Variants in KLHL42 observed in about 807,000 individuals in gnomAD.
KLHL42 encodes the protein kelch-like protein 42.
Under a neutral mutation model 32.7 loss-of-function variants are expected in KLHL42, and 27 were observed. The ratio of observed to expected loss-of-function variants is 0.83; its 90% CI spans 0.61 to 1.14. The LOEUF (loss-of-function observed/expected upper bound fraction) is 1.14. Among genes scored for constraint, KLHL42 ranks in the 50% most tolerant of loss-of-function variants. The pLI, the probability that KLHL42 is intolerant of heterozygous loss-of-function variation, is 0.00. For synonymous variants in KLHL42, 267 were observed against 248.2 expected (o/e 1.08, Z -0.71); for missense variants, 491 against 560.8 (o/e 0.88, Z 1.26).
chr12:27,785,807 T>TA (rs1022335833), intron 1 of KLHL42, among the ~76,000 whole-genome samples: 23 of 152,158 alleles, frequency 1.5e-4, no homozygotes, highest in East Asian at 9.6e-4. Context: ...GTGTTTTCTT[T>TA]AAAAAAAACT....
intron 2 of KLHL42, chr12:27,792,106 C>T: frequency 2.5e-6 from 1 of 398,236 alleles, no homozygotes; most frequent in Non-Finnish European, 4.5e-6. Flanking sequence ...TTTGTGTGAG[C>T]ATGAAAATCG....
intron 1 of KLHL42, among the ~76,000 whole-genome samples, chr12:27,783,095 T>A (rs900504741): frequency 1.3e-5 from 2 of 152,224 alleles, no homozygotes; most frequent in Non-Finnish European, 2.9e-5. Context: ...GTTTACCAGA[T>A]GCCTTACCAA....
At position 27,780,299 on chromosome 12, in the gene KLHL42, C is replaced by G. The variant is rs1459530104; in HGVS notation, c.-32C>G. On this transcript the variant is annotated 5_prime_UTR_variant, in exon 1 of 3. Coordinates refer to ENST00000381271, the MANE Select transcript of KLHL42 (RefSeq NM_020782.2). The surrounding 1 kb of genome is among the most constrained non-coding windows in gnomAD (Gnocchi z 8.8). ...CTGGGAGGCCGGCGCGCAGATCTGG[C>G]GGTGAGCGCTGCCGCCCCGGGGCCC... 1.3e-6 allele frequency: 2 copies of G among 1,525,512 alleles called. No individual in the cohort carries two copies. The highest frequency in any genetic ancestry group is 1.8e-6 in the Non-Finnish European group (2 of 1,140,288). 94.5% of individuals were successfully genotyped at this position (1,525,512 alleles called of 1,614,324 possible).
intron 1 of KLHL42, among the ~76,000 whole-genome samples, chr12:27,790,430 A>ATGC (rs1182761821): frequency 6.6e-6 from 1 of 152,162 alleles, no homozygotes; most frequent in East Asian, 1.9e-4. Context: ...CTGTTGCATC[A>ATGC]TGCTGCTGCT....
At chr12:27,790,878 C>G (rs1043679709) in intron 1 of KLHL42, among the ~76,000 whole-genome samples, 2 of 152,008 alleles carry the variant, frequency 1.3e-5, no homozygotes, top group African/African-American at 4.8e-5. Flanking sequence ...GATGCCATCT[C>G]CACAAAAAAC....
At position 27,797,899 on chromosome 12, in the gene KLHL42, C is replaced by G. The variant is rs952577865; in HGVS notation, c.1251C>G (p.Thr417=). ...GCAGCCAGAGCGAGGACATGCTCAC[C>G]GTGCAGTCCTACAACACCGTCACCC... is the stretch of plus-strand genomic sequence containing the variant. The part of the protein sequence containing the change: ...RRSSQSEDML[T]VQSYNTVTRQ... The change falls in exon 3 of 3, where the codon ACC becomes ACG. Residue 417 remains threonine, a synonymous_variant. Coordinates refer to ENST00000381271, the MANE Select transcript of KLHL42 (RefSeq NM_020782.2). The G allele has an allele frequency of 6.4e-6, 5 of 780,834 alleles. No homozygotes were observed. The African/African-American group carries it at 8.5e-5, about 13-fold the overall frequency. 48.4% of individuals were successfully genotyped at this position (780,834 alleles called of 1,614,324 possible). A position where few individuals can be genotyped will look rare whatever the true frequency, so the allele number is the denominator to read the frequency against.
At chr12:27,795,632 A>C (rs2140822622) in intron 2 of KLHL42, among the ~76,000 whole-genome samples, 1 of 33,162 alleles carries the variant, frequency 3.0e-5, no homozygotes, top group East Asian at 2.8e-4. Context: ...TTAGGAAAAA[A>C]AGAAAAAGTT....
chr12:27,781,165 A>G lies in KLHL42; in HGVS notation c.835A>G (p.Asn279Asp), dbSNP rs750436742. Residue 279 changes from asparagine (N) to aspartate (D), a missense_variant, in exon 1 of 3, where the codon AAC becomes GAC. This residue lies in a region of KLHL42 where 248 missense variants were observed against 329.2 expected (regional missense o/e 0.75). Coordinates refer to ENST00000381271, the MANE Select transcript of KLHL42 (RefSeq NM_020782.2). ...SAAHSYNPSTNEWLQVASMNQ... is the reference protein window; with the variant it reads ...SAAHSYNPSTDEWLQVASMNQ... ...TGCGCATTCCTACAACCCCAGCACC[A>G]ACGAGTGGCTCCAGGTGGCCTCCAT... is the stretch of plus-strand genomic sequence containing the variant. 3 of 1,614,012 alleles carry G rather than the reference A, an allele frequency of 1.9e-6. No homozygotes were observed.
chr12:27,781,203 G>T lies in KLHL42; in HGVS notation c.872+1G>T. On this transcript the variant is annotated splice_donor_variant, in intron 1 of 2. Coordinates refer to ENST00000381271, the MANE Select transcript of KLHL42 (RefSeq NM_020782.2). LOFTEE classifies it high-confidence loss of function. ...AGGTGGCCTCCATGAACCAGAAGAG[G>T]TAAGCACCCCGGCAGAGTGCTGCTG... 5 of 1,613,404 alleles carry T rather than the reference G, an allele frequency of 3.1e-6. No individual in the cohort carries two copies. The highest frequency in any genetic ancestry group is 4.2e-6 in the Non-Finnish European group (5 of 1,180,004).
chr12:27,799,933 T>G lies in KLHL42; in HGVS notation c.*1767T>G. On this transcript the variant is annotated 3_prime_UTR_variant, in exon 3 of 3. Transcript: ENST00000381271. Reference sequence around the variant, plus strand: ...ATTAAGCCCTTAAAAAAATAAAACCTCTGAACCAAAATCTTCCCAGGAATA... The same window carrying G: ...ATTAAGCCCTTAAAAAAATAAAACCGCTGAACCAAAATCTTCCCAGGAATA... The G allele has an allele frequency of 1.1e-6, 1 of 885,012 alleles. No individual in the cohort carries two copies. The highest frequency in any genetic ancestry group is 1.8e-5 in the African/African-American group (1 of 55,192). 54.8% of individuals were successfully genotyped at this position (885,012 alleles called of 1,614,324 possible). A position where few individuals can be genotyped will look rare whatever the true frequency, so the allele number is the denominator to read the frequency against.
At position 27,794,892 on chromosome 12, in the gene KLHL42, C is replaced by CT. The variant is rs2062212073; in HGVS notation, c.1067-2818dup. On this transcript the variant is annotated intron_variant, in intron 2 of 2. Coordinates refer to ENST00000381271, the MANE Select transcript of KLHL42 (RefSeq NM_020782.2). Reference sequence around the variant, plus strand: ...ACTCTCCACTGAAGATAGTTTTCAACTTTTTCTTTACATATAATTGAAAAA... The same window carrying CT: ...ACTCTCCACTGAAGATAGTTTTCAACTTTTTTCTTTACATATAATTGAAAAA... 2.0e-5 allele frequency among the ~76,000 whole-genome samples: 3 copies of CT among 149,668 alleles called. No homozygotes were observed. In the South Asian group the frequency reaches 6.3e-4, roughly 32 times the overall value.
At chr12:27,797,641 G>C (rs904601244) in intron 2 of KLHL42, 74 bp from the exon 3 acceptor site, 2 of 659,608 alleles carry the variant, frequency 3.0e-6, no homozygotes, top group Admixed American at 2.4e-5. Context: ...GCAGGCAGAG[G>C]TAGACATTTC....
chr12:27,783,034 C>T (rs1240476910), intron 1 of KLHL42, among the ~76,000 whole-genome samples: 2 of 152,104 alleles, frequency 1.3e-5, no homozygotes, highest in East Asian at 3.9e-4. Flanking sequence ...AGTCAAAAAT[C>T]CCCATATAAC....
At chr12:27,787,855 C>T (rs2062179827) in intron 1 of KLHL42, 1 of 152,196 alleles carries the variant, frequency 6.6e-6, no homozygotes, top group Admixed American at 6.5e-5. Context: ...GTAGTAGAGC[C>T]TGGGAATAGT....
chr12:27,787,803 GC>G (rs1205695647), intron 1 of KLHL42: 1 of 152,184 alleles, frequency 6.6e-6, no homozygotes, highest in East Asian at 1.9e-4. Context: ...TCTCCTCTCA[GC>G]CAATGTTTAC....
At chr12:27,784,571 G>A (rs1264403460) in intron 1 of KLHL42, among the ~76,000 whole-genome samples, 1 of 152,100 alleles carries the variant, frequency 6.6e-6, no homozygotes, top group Non-Finnish European at 1.5e-5. Context: ...CTCTCATCGG[G>A]CCCGTGAATA....
chr12:27,790,167 G>A (rs2062190170), intron 1 of KLHL42, among the ~76,000 whole-genome samples: 2 of 152,162 alleles, frequency 1.3e-5, no homozygotes, highest in South Asian at 4.1e-4. Context: ...GGGGTTGGAT[G>A]TGGTCTTGAA....
intron 2 of KLHL42, among the ~76,000 whole-genome samples, chr12:27,796,391 G>A (rs533183438): frequency 3.3e-5 from 5 of 152,234 alleles, no homozygotes; most frequent in African/African-American, 9.6e-5. Context: ...TCGTCTGCCA[G>A]TTCCCAAGCT....
chr12:27,781,146 T>C lies in KLHL42; in HGVS notation c.816T>C (p.His272=), dbSNP rs2062146267. The change falls in exon 1 of 3, where the codon CAT becomes CAC. Residue 272 remains histidine (H), a synonymous_variant. Coordinates refer to ENST00000381271, the MANE Select transcript of KLHL42 (RefSeq NM_020782.2). ...CTAGCCAGGAGATCTCCGCTGCGCA[T>C]TCCTACAACCCCAGCACCAACGAGT... is the stretch of plus-strand genomic sequence containing the variant. The part of the protein sequence containing the change: ...RITSQEISAA[H]SYNPSTNEWL... 6.2e-6 allele frequency: 10 copies of C among 1,614,054 alleles called. No homozygotes were observed. Among genetic ancestry groups the C allele is most frequent in the Non-Finnish European group, 7.6e-6 (9 of 1,180,038 alleles).
Sources: gnomAD v4.1 joint callset for allele counts (sites outside exome capture counted in the v4.1 genomes callset) on GRCh38, gnomAD v4.1.1 for gene constraint, gnomAD v4.1.1 regional missense constraint, Gnocchi (gnomAD v3.1) non-coding constraint, MANE v1.5 for transcripts, NCBI Gene and HGNC (gene_info 2026-07-23, HGNC 2026-07-21) for gene names.